MARCHF1: variants seen among roughly 807,000 people sequenced by gnomAD.
MARCHF1 encodes the protein E3 ubiquitin-protein ligase MARCHF1.
A neutral mutation model predicts 54.2 loss-of-function variants in MARCHF1; 40 were observed. The observed-to-expected ratio is 0.74, with a 90% CI of 0.57 to 0.96. The LOEUF is 0.96. MARCHF1 is among the 40% of genes least tolerant of loss of function. The pLI is 0.00. For missense variants in MARCHF1, 586 were observed against 656.5 expected (o/e 0.89, Z 1.17); for synonymous variants, 236 against 236.3 (o/e 1.00, Z 0.01).
intron 2 of MARCHF1, among the ~76,000 whole-genome samples, chr4:164,048,249 T>G (rs1754283187): frequency 6.6e-6 from 1 of 152,192 alleles, no homozygotes; most frequent in African/African-American, 2.4e-5. Flanking sequence ...GTTTTACACT[T>G]TAATCCTTTT....
intron 2 of MARCHF1, among the ~76,000 whole-genome samples, chr4:164,094,726 G>A (rs1755371725): frequency 6.6e-6 from 1 of 152,088 alleles, no homozygotes; most frequent in African/African-American, 2.4e-5. Flanking sequence ...TCAGAAACAT[G>A]ACTAGGTGTT....
chr4:164,369,622 C>A (rs931967393), intron 1 of MARCHF1, among the ~76,000 whole-genome samples: 2 of 152,008 alleles, frequency 1.3e-5, no homozygotes, highest in Non-Finnish European at 1.5e-5. Flanking sequence ...TACTTATATA[C>A]TAATGTATGT....
At chr4:163,904,604 C>T (rs1333989863) in intron 3 of MARCHF1, among the ~76,000 whole-genome samples, 1 of 152,124 alleles carries the variant, frequency 6.6e-6, no homozygotes, top group African/African-American at 2.4e-5. Flanking sequence ...TAGCCCTTGG[C>T]ACAGTAGATA....
intron 3 of MARCHF1, among the ~76,000 whole-genome samples, chr4:163,966,450 A>G (rs1752445973): frequency 6.6e-6 from 1 of 152,102 alleles, no homozygotes; most frequent in African/African-American, 2.4e-5. Context: ...TAAACATATA[A>G]TGAACATCTA....
At chr4:163,798,405 T>G (rs1055669803) in intron 4 of MARCHF1, among the ~76,000 whole-genome samples, 5 of 152,158 alleles carry the variant, frequency 3.3e-5, no homozygotes, top group Non-Finnish European at 5.9e-5. Flanking sequence ...TTATGGTATT[T>G]TGTTATGGAA....
chr4:163,565,726 T>A (rs1382347223), intron 8 of MARCHF1, among the ~76,000 whole-genome samples: 1 of 152,200 alleles, frequency 6.6e-6, no homozygotes, highest in African/African-American at 2.4e-5. Flanking sequence ...CAGGAGTTCT[T>A]GCATATTCTC....
intron 3 of MARCHF1, among the ~76,000 whole-genome samples, chr4:163,955,349 A>C (rs1265836203): frequency 1.3e-5 from 1 of 75,628 alleles, no homozygotes; most frequent in Non-Finnish European, 2.6e-5. Flanking sequence ...CTTTGAGGGA[A>C]AAAAAAAACA....
chr4:164,325,096 T>C (rs1416100193), intron 1 of MARCHF1, among the ~76,000 whole-genome samples: 3 of 151,878 alleles, frequency 2.0e-5, no homozygotes, highest in African/African-American at 7.2e-5. Flanking sequence ...AGCATAGGAA[T>C]AGTAGACAAA....
chr4:164,109,175 T>C (rs1012951864), intron 2 of MARCHF1, among the ~76,000 whole-genome samples: 1 of 152,056 alleles, frequency 6.6e-6, no homozygotes, highest in Non-Finnish European at 1.5e-5. Flanking sequence ...TAATGACCTA[T>C]TTACAGAATG....
intron 3 of MARCHF1, among the ~76,000 whole-genome samples, chr4:163,883,233 G>T (rs1001913710): frequency 8.0e-6 from 1 of 124,266 alleles, no homozygotes; most frequent in African/African-American, 3.0e-5. Flanking sequence ...ATATATATGT[G>T]TATATGTGTG....
chr4:164,106,839 C>A (rs1755715562), intron 2 of MARCHF1, among the ~76,000 whole-genome samples: 1 of 151,386 alleles, frequency 6.6e-6, no homozygotes, highest in Non-Finnish European at 1.5e-5. Context: ...CAGACTTTTT[C>A]CCTGTGTTTC....
At chr4:164,060,638 A>G (rs1481953912) in intron 2 of MARCHF1, among the ~76,000 whole-genome samples, 1 of 152,136 alleles carries the variant, frequency 6.6e-6, no homozygotes, top group African/African-American at 2.4e-5. Context: ...CAATAACTGA[A>G]TAGCTTTTAC....
intron 4 of MARCHF1, among the ~76,000 whole-genome samples, chr4:163,808,453 G>T (rs1748288559): frequency 6.6e-6 from 1 of 152,160 alleles, no homozygotes; most frequent in South Asian, 2.1e-4. Flanking sequence ...TTTAATATTG[G>T]TTAACACGAG....
At chr4:164,301,444 G>C (rs1358437864) in intron 1 of MARCHF1, among the ~76,000 whole-genome samples, 1 of 152,194 alleles carries the variant, frequency 6.6e-6, no homozygotes, top group Non-Finnish European at 1.5e-5. Flanking sequence ...GGCAGGTCTG[G>C]ATCTAAACAC....
chr4:163,872,900 C>T (rs1374159884), intron 3 of MARCHF1, among the ~76,000 whole-genome samples: 2 of 151,868 alleles, frequency 1.3e-5, no homozygotes, highest in Non-Finnish European at 2.9e-5. Context: ...AAAAATTAGC[C>T]GGGCGTGGTG....
At chr4:163,754,111 T>G (rs925300767) in intron 4 of MARCHF1, among the ~76,000 whole-genome samples, 2 of 152,222 alleles carry the variant, frequency 1.3e-5, no homozygotes, top group African/African-American at 4.8e-5. Flanking sequence ...TAGATGGCCC[T>G]CCTTGTTGCT....
At chr4:163,555,602 C>G (rs755896591) in intron 8 of MARCHF1, among the ~76,000 whole-genome samples, 7 of 151,944 alleles carry the variant, frequency 4.6e-5, no homozygotes, top group Non-Finnish European at 8.8e-5. Flanking sequence ...AAAGAGAAGT[C>G]AGTATATTAC....
chr4:163,553,049 A>AAAG (rs1739167963), intron 8 of MARCHF1, among the ~76,000 whole-genome samples: 5 of 149,950 alleles, frequency 3.3e-5, no homozygotes, highest in Admixed American at 6.7e-5. Context: ...AAAAAAAAAA[A>AAAG]AAGAAGAATG....
intron 1 of MARCHF1, among the ~76,000 whole-genome samples, chr4:164,281,214 A>G (rs1186874350): frequency 1.3e-5 from 2 of 152,134 alleles, no homozygotes; most frequent in African/African-American, 4.8e-5. Context: ...CAAAAGCTTG[A>G]TTGTGTCATG....
Sources: gnomAD v4.1 joint callset for allele counts (sites outside exome capture counted in the v4.1 genomes callset) on GRCh38, gnomAD v4.1.1 for gene constraint, MANE v1.5 for transcripts, NCBI Gene and HGNC (gene_info 2026-07-23, HGNC 2026-07-21) for gene names.